PIWIL4: variants seen among roughly 807,000 people sequenced by gnomAD.
The protein encoded by PIWIL4 is piwi like RNA-mediated gene silencing 4, also known as piwi-like protein 4.
In PIWIL4, 50 loss-of-function variants were observed where a neutral mutation model predicts 100.9. The ratio of observed to expected loss-of-function variants is 0.50; its 90% CI spans 0.39 to 0.63. The LOEUF is 0.63. PIWIL4 is among the 20% of genes least tolerant of loss of function. The pLI is 0.00. For synonymous variants in PIWIL4, 342 were observed against 367.5 expected, an observed-to-expected ratio of 0.93 and a Z score of 0.79; for missense variants, 887 against 1,043.3, an observed-to-expected ratio of 0.85 and a Z score of 2.06.
chr11:94,607,731 T>G, intron 14 of PIWIL4, 92 bp downstream of exon 14: 2 of 1,317,100 alleles, frequency 1.5e-6, no homozygotes, highest in Non-Finnish European at 2.1e-6. Context: ...CCCAGAATTA[T>G]TTGGTTTGCT....
At chr11:94,608,139 T>G (rs1565281905) in intron 14 of PIWIL4, 1 of 177,746 alleles carries the variant, frequency 5.6e-6, no homozygotes, top group Non-Finnish European at 1.2e-5. Context: ...ATAACCAGAA[T>G]GAACATGGTT....
chr11:94,616,472 TA>T lies in PIWIL4; in HGVS notation c.1944-20del, dbSNP rs765476072. Reference sequence around the variant, plus strand: ...AAAAATTGAAGTTGAATTTTACTTTTATTTTTTTTTTTAACTTTAGGTGGTT... The same window carrying T: ...AAAAATTGAAGTTGAATTTTACTTTTTTTTTTTTTTTAACTTTAGGTGGTT... On this transcript the variant is annotated intron_variant, in intron 15 of 19. Transcript: ENST00000299001. 1.6e-4 allele frequency: 253 copies of T among 1,559,660 alleles called. 1 individual carries two copies. In the East Asian group the frequency reaches 1.7e-3, roughly 10 times the overall value.
In PIWIL4 at chr11:94,621,251, CCA is replaced by C; in HGVS notation, c.*262_*263del. On this transcript the variant is annotated 3_prime_UTR_variant, in exon 20 of 20. Transcript: ENST00000299001. ...AATATACCATCATCTACAAAGAATT[CCA>C]CAGAGTTAAATATCTTAAGTTAAAC... 1 of 395,462 alleles carries C rather than the reference CCA, an allele frequency of 2.5e-6. No homozygotes were observed. Among genetic ancestry groups the C allele is most frequent in the Non-Finnish European group, 4.6e-6 (1 of 218,956 alleles). The allele number at this position is 395,462 out of a possible 1,614,324, so 24.5% of individuals were successfully genotyped here. A position where few individuals can be genotyped will look rare whatever the true frequency, so the allele number is the denominator to read the frequency against.
At position 94,578,474 on chromosome 11, in the gene PIWIL4, T is replaced by C. The variant is rs1252693324; in HGVS notation, c.513+982T>C. Among the ~76,000 whole-genome samples the C allele has an allele frequency of 2.0e-5, 3 of 152,230 alleles. No individual in the cohort carries two copies. The East Asian group carries it at 5.8e-4, about 29-fold the overall frequency. ...GGGCATGAACAAGATGAATTTTTTT[T>C]CCTTGCAAATCTGTATAGATGGTCT... On this transcript the variant is annotated intron_variant, in intron 4 of 19. Transcript: ENST00000299001.
At chr11:94,567,760 C>T in intron 1 of PIWIL4, 155 bp downstream of exon 1, 4 of 1,261,600 alleles carry the variant, frequency 3.2e-6, no homozygotes, top group Non-Finnish European at 4.0e-6. Flanking sequence ...TTTCTTCTAA[C>T]AGTTTTCTCC....
At chr11:94,595,202 C>T in intron 9 of PIWIL4, 107 bp from the exon 10 acceptor site, 1 of 819,682 alleles carries the variant, frequency 1.2e-6, no homozygotes, top group Non-Finnish European at 2.0e-6. Context: ...ATTGGATGTG[C>T]TATACAGATG....
At chr11:94,575,660 A>G (rs939127805) in intron 3 of PIWIL4, among the ~76,000 whole-genome samples, 1 of 152,208 alleles carries the variant, frequency 6.6e-6, no homozygotes, top group Non-Finnish European at 1.5e-5. Flanking sequence ...AATAAGAAAT[A>G]TATTATTATC....
rs1948862324 is a variant in PIWIL4 at position 94,617,807 on chromosome 11, C to A, written c.2015-147C>A. ...CCCTAAAGTTATCCATTGTTATATT[C>A]TTGCAAATATAACCCAAATTATGTA... On this transcript the variant is annotated intron_variant, in intron 16 of 19. Coordinates refer to ENST00000299001, the MANE Select transcript of PIWIL4 (RefSeq NM_152431.3). 6.7e-6 allele frequency: 5 copies of A among 749,952 alleles called. No homozygotes were observed. The Admixed American group carries it at 7.0e-5, about 11-fold the overall frequency. The allele number at this position is 749,952 out of a possible 1,614,324, so 46.5% of individuals were successfully genotyped here.
chr11:94,567,413 C>A lies in PIWIL4; in HGVS notation c.-106C>A. 9.5e-7 allele frequency: 1 copy of A among 1,050,302 alleles called. No homozygotes were observed. Among genetic ancestry groups the A allele is most frequent in the Non-Finnish European group, 1.3e-6 (1 of 757,936 alleles). The allele number at this position is 1,050,302 out of a possible 1,614,324, so 65.1% of individuals were successfully genotyped here. A position where few individuals can be genotyped will look rare whatever the true frequency, so the allele number is the denominator to read the frequency against. ...GGTTGTGGATGCTGGACATCCACCGCCTCCAGGCAGTTTCGCCGTCACACC... is the reference window on the plus strand; with the variant it reads ...GGTTGTGGATGCTGGACATCCACCGACTCCAGGCAGTTTCGCCGTCACACC... On this transcript the variant is annotated 5_prime_UTR_variant, in exon 1 of 20. Coordinates refer to ENST00000299001, the MANE Select transcript of PIWIL4 (RefSeq NM_152431.3).
At position 94,601,481 on chromosome 11, in the gene PIWIL4, C is replaced by T. The variant is rs550378681; in HGVS notation, c.1381-314C>T. Among the ~76,000 whole-genome samples the T allele has an allele frequency of 2.0e-5, 3 of 152,274 alleles. No individual in the cohort carries two copies. In the East Asian group the frequency reaches 5.8e-4, roughly 29 times the overall value. On this transcript the variant is annotated intron_variant, in intron 11 of 19. Transcript: ENST00000299001. ...GTCATTCATAATAAAGGCATAGATA[C>T]TCAGAGCTGGAAGGGAACCTCAGAG...
At chr11:94,618,244 G>A in intron 17 of PIWIL4, 137 bp downstream of exon 17, 1 of 821,534 alleles carries the variant, frequency 1.2e-6, no homozygotes, top group Non-Finnish European at 1.8e-6. Flanking sequence ...CATGCCAGTA[G>A]AGCTCTATCA....
chr11:94,577,587 C>A, intron 4 of PIWIL4, 95 bp downstream of exon 4: 1 of 978,102 alleles, frequency 1.0e-6, no homozygotes, highest in Non-Finnish European at 1.4e-6. Flanking sequence ...AAGGAGATTC[C>A]AAAAGGTTTG....
intron 5 of PIWIL4, 51 bp downstream of exon 5, chr11:94,583,620 A>G (rs763599078): frequency 6.2e-6 from 10 of 1,606,638 alleles, no homozygotes; most frequent in Admixed American, 1.7e-5. Flanking sequence ...ACCTTTCAGC[A>G]TAGAGCCTGG....
intron 17 of PIWIL4, among the ~76,000 whole-genome samples, chr11:94,618,779 C>T (rs549501192): frequency 6.6e-6 from 1 of 152,316 alleles, no homozygotes; most frequent in African/African-American, 2.4e-5. Context: ...ACACATAGCC[C>T]TATCTGTAGG....
At chr11:94,568,627 C>T (rs1045111344) in intron 1 of PIWIL4, 103 bp from the exon 2 acceptor site, 15 of 816,686 alleles carry the variant, frequency 1.8e-5, no homozygotes, top group African/African-American at 3.4e-5. Flanking sequence ...TTTTCTTTGC[C>T]TAGTTCATGG....
chr11:94,595,481 C>A (rs1948544647), intron 10 of PIWIL4, 55 bp downstream of exon 10: 2 of 1,312,354 alleles, frequency 1.5e-6, no homozygotes, highest in Admixed American at 3.6e-5. Flanking sequence ...TATTAGATGG[C>A]CTATGTAACA....
At chr11:94,595,262 GT>G (rs758738018) in intron 9 of PIWIL4, 46 bp from the exon 10 acceptor site, 1 of 1,536,624 alleles carries the variant, frequency 6.5e-7, no homozygotes, top group African/African-American at 1.4e-5. Context: ...GATGGGCTGA[GT>G]TGCTTATGTT....
intron 15 of PIWIL4, among the ~76,000 whole-genome samples, chr11:94,610,702 A>T (rs1229020057): frequency 6.6e-6 from 1 of 152,052 alleles, no homozygotes; most frequent in African/African-American, 2.4e-5. Flanking sequence ...GGTTCTTCAT[A>T]TATTTTGGAT....
chr11:94,597,385 T>C (rs975886208), intron 10 of PIWIL4, among the ~76,000 whole-genome samples: 3 of 152,384 alleles, frequency 2.0e-5, no homozygotes, highest in Non-Finnish European at 4.4e-5. Flanking sequence ...GCACATGCCA[T>C]GTGCCAGGGA....
Sources: gnomAD v4.1 joint callset for allele counts (sites outside exome capture counted in the v4.1 genomes callset) on GRCh38, gnomAD v4.1.1 for gene constraint, MANE v1.5 for transcripts, NCBI Gene and HGNC (gene_info 2026-07-23, HGNC 2026-07-21) for gene names.